PPFIA2: variants seen among roughly 807,000 people sequenced by gnomAD.
The protein encoded by PPFIA2 is liprin-alpha-2.
PPFIA2 carries 46 observed loss-of-function variants against 175.5 expected under a neutral mutation model. The ratio of observed to expected loss-of-function variants is 0.26; its 90% CI spans 0.21 to 0.34. The LOEUF (loss-of-function observed/expected upper bound fraction) is 0.34. Ranked by LOEUF, PPFIA2 falls within the 10% of genes least tolerant of loss-of-function variation. The pLI, the probability that PPFIA2 is intolerant of heterozygous loss-of-function variation, is 1.00. For synonymous variants in PPFIA2, 568 were observed against 511.4 expected, an observed-to-expected ratio of 1.11 and a Z score of -1.49; for missense variants, 1,179 against 1,506.1, an observed-to-expected ratio of 0.78 and a Z score of 3.60.
intron 28 of PPFIA2, among the ~76,000 whole-genome samples, chr12:81,274,543 C>G (rs576832069): frequency 3.4e-4 from 51 of 151,752 alleles, no homozygotes; most frequent in African/African-American, 1.2e-3. Context: ...AAAGTTAGAT[C>G]TCTTTCCATA....
At chr12:81,565,250 A>C (rs1326824033) in intron 4 of PPFIA2, among the ~76,000 whole-genome samples, 3 of 152,058 alleles carry the variant, frequency 2.0e-5, no homozygotes, top group Non-Finnish European at 4.4e-5. Flanking sequence ...AGGCAAGATA[A>C]TGTTGATTCT....
At chr12:81,628,339 A>G (rs1316730263) in intron 4 of PPFIA2, among the ~76,000 whole-genome samples, 1 of 149,290 alleles carries the variant, frequency 6.7e-6, no homozygotes, top group Admixed American at 6.7e-5. Flanking sequence ...TTTGAGCCAC[A>G]TGATCTCGAC....
At chr12:81,280,750 G>A (rs2041904072) in intron 27 of PPFIA2, among the ~76,000 whole-genome samples, 1 of 151,680 alleles carries the variant, frequency 6.6e-6, no homozygotes, top group Non-Finnish European at 1.5e-5. Context: ...TTTTTGTTCT[G>A]AAATTAATAT....
intron 4 of PPFIA2, among the ~76,000 whole-genome samples, chr12:81,603,719 CCATA>C (rs934028737): frequency 3.3e-5 from 5 of 150,646 alleles, no homozygotes; most frequent in African/African-American, 1.2e-4. Context: ...TTAATTTGAG[CCATA>C]CACTGTCATT....
At chr12:81,464,104 A>G (rs527731786) in intron 4 of PPFIA2, among the ~76,000 whole-genome samples, 25 of 152,218 alleles carry the variant, frequency 1.6e-4, no homozygotes, top group African/African-American at 5.8e-4. Context: ...TTAAAAAAGG[A>G]CAGGGGTCTT....
intron 8 of PPFIA2, among the ~76,000 whole-genome samples, chr12:81,405,307 A>T (rs1283842664): frequency 6.6e-6 from 1 of 152,154 alleles, no homozygotes; most frequent in Admixed American, 6.6e-5. Context: ...CTAATCAAAT[A>T]AAAGATTACC....
In PPFIA2 at chr12:81,666,422, T is replaced by G. The variant is rs536621105; in HGVS notation, c.303+10369A>C. On this transcript the variant is annotated intron_variant, in intron 4 of 32. Coordinates refer to ENST00000549396, the MANE Select transcript of PPFIA2 (RefSeq NM_003625.5). Reference sequence around the variant, plus strand: ...GTGGCACATATACACCATGGAATATTATGCAGCCATAAAAAATGATGAGTT... The same window carrying G: ...GTGGCACATATACACCATGGAATATGATGCAGCCATAAAAAATGATGAGTT... Among the ~76,000 whole-genome samples, 175 of 152,272 alleles carry G rather than the reference T, an allele frequency of 1.1e-3. 4 individuals carry two copies. The South Asian group carries it at 0.035, about 31-fold the overall frequency.
intron 19 of PPFIA2, among the ~76,000 whole-genome samples, chr12:81,342,293 T>C (rs1418099705): frequency 6.6e-6 from 1 of 152,130 alleles, no homozygotes; most frequent in Non-Finnish European, 1.5e-5. Context: ...TATCACAATA[T>C]GGAGAGATCA....
At chr12:81,723,487 C>T (rs540614678) in intron 3 of PPFIA2, among the ~76,000 whole-genome samples, 1 of 151,028 alleles carries the variant, frequency 6.6e-6, no homozygotes, top group South Asian at 2.1e-4. Flanking sequence ...TAAAAACTAT[C>T]CATACTGTGG....
chr12:81,449,299 C>A (rs1459202081), intron 5 of PPFIA2, among the ~76,000 whole-genome samples: 1 of 152,140 alleles, frequency 6.6e-6, no homozygotes, highest in East Asian at 1.9e-4. Flanking sequence ...TGGAGACCAG[C>A]TATTCACCAT....
intron 4 of PPFIA2, among the ~76,000 whole-genome samples, chr12:81,459,711 G>A (rs933941281): frequency 6.6e-6 from 1 of 152,142 alleles, no homozygotes; most frequent in South Asian, 2.1e-4. Context: ...GCCACAGAAA[G>A]CTCGGCCTTT....
chr12:81,552,393 A>G (rs2068073998), intron 4 of PPFIA2, among the ~76,000 whole-genome samples: 1 of 151,820 alleles, frequency 6.6e-6, no homozygotes, highest in Non-Finnish European at 1.5e-5. Context: ...AGACTTAGTC[A>G]TAACAGTTAA....
At chr12:81,562,608 G>C (rs1265917652) in intron 4 of PPFIA2, among the ~76,000 whole-genome samples, 2 of 151,838 alleles carry the variant, frequency 1.3e-5, no homozygotes, top group Non-Finnish European at 2.9e-5. Flanking sequence ...AGCACTTTGG[G>C]AGGCCGAGGC....
At chr12:81,597,471 G>A (rs1258323890) in intron 4 of PPFIA2, among the ~76,000 whole-genome samples, 1 of 151,926 alleles carries the variant, frequency 6.6e-6, no homozygotes, top group Non-Finnish European at 1.5e-5. Context: ...TTGTCTTTAT[G>A]TTATACACAT....
intron 17 of PPFIA2, 28 bp downstream of exon 17, chr12:81,353,091 T>G (rs1343149733): frequency 1.3e-6 from 2 of 1,590,254 alleles, no homozygotes; most frequent in African/African-American, 1.3e-5. Context: ...TCTAATTTCT[T>G]GAAATCATCA....
At chr12:81,337,364 T>C (rs888424586) in intron 21 of PPFIA2, among the ~76,000 whole-genome samples, 6 of 152,146 alleles carry the variant, frequency 3.9e-5, no homozygotes, top group African/African-American at 2.4e-5. Flanking sequence ...AGGTATAAAC[T>C]GTGACCTGAA....
chr12:81,275,455 T>C (rs1220780820), intron 28 of PPFIA2, among the ~76,000 whole-genome samples: 1 of 152,166 alleles, frequency 6.6e-6, no homozygotes, highest in African/African-American at 2.4e-5. Context: ...ATAAAAGTAA[T>C]TTCTGACATT....
At chr12:81,667,524 G>A (rs1225297281) in intron 4 of PPFIA2, among the ~76,000 whole-genome samples, 9 of 151,952 alleles carry the variant, frequency 5.9e-5, no homozygotes. Context: ...AACTAAAAAT[G>A]GCATGGTCTT....
At chr12:81,660,900 C>CTTTTCT (rs2068725083) in intron 4 of PPFIA2, among the ~76,000 whole-genome samples, 1 of 152,148 alleles carries the variant, frequency 6.6e-6, no homozygotes, top group East Asian at 1.9e-4. Context: ...ATTCAACATT[C>CTTTTCT]TTAAAGAAAA....
Sources: allele counts gnomAD v4.1 joint callset (sites outside exome capture counted in the v4.1 genomes callset), GRCh38; gene constraint gnomAD v4.1.1; transcripts MANE v1.5; gene names NCBI Gene and HGNC (gene_info 2026-07-23, HGNC 2026-07-21).